Variants in XIRP2 observed in about 807,000 individuals in gnomAD.
XIRP2 encodes the protein xin actin binding repeat containing 2, also known as xin actin-binding repeat-containing protein 2.
In XIRP2, 236 loss-of-function variants were observed where a neutral mutation model predicts 277.0. That is an observed-to-expected ratio of 0.85 (90% CI 0.77 to 0.95). XIRP2 has a LOEUF of 0.95. Ranked by LOEUF, XIRP2 falls within the 40% of genes least tolerant of loss-of-function variation. The pLI, the probability that XIRP2 is intolerant of heterozygous loss-of-function variation, is 0.00. For missense variants in XIRP2, 4,640 were observed against 4,157.5 expected, an observed-to-expected ratio of 1.12 and a Z score of -3.19; for synonymous variants, 1,490 against 1,416.5, an observed-to-expected ratio of 1.05 and a Z score of -1.17.
At chr2:166,911,887 A>G (rs1684713188) in intron 2 of XIRP2, among the ~76,000 whole-genome samples, 1 of 152,182 alleles carries the variant, frequency 6.6e-6, no homozygotes, top group Non-Finnish European at 1.5e-5. Flanking sequence ...TTGGCTGGAT[A>G]TGAAATTCTG....
Position 167,249,903 on chromosome 2 carries a change from T to G in XIRP2, c.8511T>G (p.Thr2837=), listed in dbSNP as rs1233358155. The part of the protein sequence containing the change: ...MIGRKEERLI[T]ERKHEHLKNK... ...GTCGAAAAGAAGAGAGATTAATAAC[T>G]GAAAGAAAACACGAACATCTGAAGA... Residue 2837 remains threonine (T), a synonymous_variant, in exon 9 of 11, where the codon ACT becomes ACG. Coordinates refer to ENST00000409195, the MANE Select transcript of XIRP2 (RefSeq NM_152381.6). 1 of 1,613,322 alleles carries G rather than the reference T, an allele frequency of 6.2e-7. No individual in the cohort carries two copies. Among genetic ancestry groups the G allele is most frequent in the South Asian group, 1.1e-5 (1 of 91,046 alleles).
intron 4 of XIRP2, 75 bp downstream of exon 4, chr2:167,210,970 T>A: frequency 1.3e-6 from 2 of 1,560,334 alleles, no homozygotes; most frequent in Non-Finnish European, 1.7e-6. Context: ...ATATTTGAAA[T>A]GTAAGAATAC....
intron 2 of XIRP2, among the ~76,000 whole-genome samples, chr2:167,041,899 A>G (rs892097526): frequency 3.3e-5 from 5 of 152,188 alleles, no homozygotes; most frequent in African/African-American, 7.2e-5. Flanking sequence ...CAAAGTCAAT[A>G]CAAAAGAAAC....
intron 2 of XIRP2, among the ~76,000 whole-genome samples, chr2:167,037,797 CTA>C (rs1225216618): frequency 6.6e-6 from 1 of 151,678 alleles, no homozygotes; most frequent in African/African-American, 2.4e-5. Flanking sequence ...TATCTTAACT[CTA>C]TGAAAATATA....
Position 166,903,906 on chromosome 2 carries a change from T to C in XIRP2, c.408+16T>C. ...CGGTGGAAAGGTAAGGAGCCATTGA[T>C]TGAGAGTCTATGTTTACATATGACT... is the stretch of plus-strand genomic sequence containing the variant. On this transcript the variant is annotated intron_variant, in intron 2 of 10. Transcript: ENST00000409195. The C allele has an allele frequency of 6.2e-7, 1 of 1,603,862 alleles. No individual in the cohort carries two copies. Among genetic ancestry groups the C allele is most frequent in the African/African-American group, 1.3e-5 (1 of 74,670 alleles).
chr2:166,912,395 C>T (rs12478450), intron 2 of XIRP2, among the ~76,000 whole-genome samples: 31,215 of 152,142 alleles, frequency 0.21, 3,958 homozygotes, highest in Admixed American at 0.28. Context: ...TCTAGTTGAT[C>T]GAATCGGCTA....
chr2:166,911,080 G>C (rs186972924), intron 2 of XIRP2, among the ~76,000 whole-genome samples: 148 of 152,314 alleles, frequency 9.7e-4, no homozygotes, highest in African/African-American at 3.4e-3. Flanking sequence ...TGAGAAAAAT[G>C]TATATTCTGT....
At chr2:166,972,677 T>G (rs563506015) in intron 2 of XIRP2, among the ~76,000 whole-genome samples, 38 of 152,192 alleles carry the variant, frequency 2.5e-4, no homozygotes, top group Non-Finnish European at 4.9e-4. Context: ...AGTTATTTGA[T>G]GACAGACTGC....
At chr2:167,179,809 T>TTG (rs371738151) in intron 3 of XIRP2, among the ~76,000 whole-genome samples, 3 of 151,734 alleles carry the variant, frequency 2.0e-5, no homozygotes, top group Non-Finnish European at 4.4e-5. Context: ...TGGCCTAAAT[T>TTG]TGTGTGTGTG....
In XIRP2 at chr2:167,245,325, C is replaced by G. The variant is rs1300217705; in HGVS notation, c.3933C>G (p.Ser1311Arg). The part of the protein sequence containing the change: ...TEEVIQGDVK[S>R]YRMLFETQPL... ...AAGTAATACAGGGTGATGTAAAAAG[C>G]TACAGAATGCTCTTTGAAACCCAGC... is the stretch of plus-strand genomic sequence containing the variant. Residue 1311 changes from serine to arginine, a missense_variant, in exon 9 of 11, where the codon AGC (serine) becomes AGG (arginine). Physicochemically the swap from Ser to Arg is moderately radical, Grantham distance 110. Coordinates refer to ENST00000409195, the MANE Select transcript of XIRP2 (RefSeq NM_152381.6). 6 of 1,613,406 alleles carry G rather than the reference C, an allele frequency of 3.7e-6. No homozygotes were observed. The highest frequency in any genetic ancestry group is 5.1e-6 in the Non-Finnish European group (6 of 1,179,712).
intron 2 of XIRP2, among the ~76,000 whole-genome samples, chr2:166,912,371 C>G (rs919736006): frequency 6.6e-6 from 1 of 152,342 alleles, no homozygotes; most frequent in East Asian, 1.9e-4. Context: ...TCTTCAATCA[C>G]TGATACCCTT....
At position 167,065,023 on chromosome 2, in the gene XIRP2, T is replaced by C. The variant is rs76762329; in HGVS notation, c.409-70886T>C. 2.6e-3 allele frequency among the ~76,000 whole-genome samples: 399 copies of C among 151,990 alleles called. 1 individual carries two copies. The highest frequency in any genetic ancestry group is 0.01 in the Middle Eastern group (3 of 294). On this transcript the variant is annotated intron_variant, in intron 2 of 10. Coordinates refer to ENST00000409195, the MANE Select transcript of XIRP2 (RefSeq NM_152381.6). ...AATTTGGGGAGTATATACCCAGAAGTAGACTTGCTGAATCATGTGGTAATT... is the reference window on the plus strand; with the variant it reads ...AATTTGGGGAGTATATACCCAGAAGCAGACTTGCTGAATCATGTGGTAATT...
At chr2:167,162,475 T>C (rs1191656596) in intron 3 of XIRP2, among the ~76,000 whole-genome samples, 1 of 152,158 alleles carries the variant, frequency 6.6e-6, no homozygotes, top group Non-Finnish European at 1.5e-5. Flanking sequence ...AGAAGAGAGC[T>C]TGTGCAGGGA....
At chr2:167,032,689 A>G (rs1688398215) in intron 2 of XIRP2, among the ~76,000 whole-genome samples, 1 of 152,170 alleles carries the variant, frequency 6.6e-6, no homozygotes, top group Non-Finnish European at 1.5e-5. Context: ...AAAATATATG[A>G]AAAAAAGCTC....
In XIRP2 at chr2:167,259,468, A is replaced by ATCCT. The variant is rs1333346935; in HGVS notation, c.*1651_*1652insTCCT. 1.7e-6 allele frequency: 2 copies of ATCCT among 1,157,948 alleles called. No homozygotes were observed. Among genetic ancestry groups the ATCCT allele is most frequent in the East Asian group, 5.2e-5 (2 of 38,316 alleles). 71.7% of individuals were successfully genotyped at this position (1,157,948 alleles called of 1,614,324 possible). A position where few individuals can be genotyped will look rare whatever the true frequency, so the allele number is the denominator to read the frequency against. On this transcript the variant is annotated 3_prime_UTR_variant, in exon 11 of 11. Transcript: ENST00000409195. The stretch of plus-strand genomic sequence containing the variant: ...TACCCTTTTGAGGAACTTGATGTAA[A>ATCCT]CATGGTGTTCAGAAATCTCGTGTCT...
At chr2:167,098,431 C>T (rs549998162) in intron 2 of XIRP2, among the ~76,000 whole-genome samples, 7 of 152,176 alleles carry the variant, frequency 4.6e-5, no homozygotes, top group Non-Finnish European at 1.0e-4. Context: ...ACTGGTTATT[C>T]TAGTCAGCAT....
chr2:167,195,857 C>T (rs1693489365), intron 3 of XIRP2, among the ~76,000 whole-genome samples: 1 of 152,162 alleles, frequency 6.6e-6, no homozygotes. Flanking sequence ...CTCTGGGCTG[C>T]AGGAGTAGGT....
intron 2 of XIRP2, among the ~76,000 whole-genome samples, chr2:167,061,228 A>G (rs1288840038): frequency 1.3e-5 from 2 of 152,202 alleles, no homozygotes; most frequent in Non-Finnish European, 2.9e-5. Flanking sequence ...AAACTCATAC[A>G]TTAGCTCTAG....
chr2:167,133,307 T>A (rs1225792133), intron 2 of XIRP2, among the ~76,000 whole-genome samples: 1 of 152,178 alleles, frequency 6.6e-6, no homozygotes, highest in Non-Finnish European at 1.5e-5. Flanking sequence ...TTCAGCCTCA[T>A]CCAAGAAGCT....
Sources: gnomAD v4.1 joint callset for allele counts (sites outside exome capture counted in the v4.1 genomes callset) on GRCh38, gnomAD v4.1.1 for gene constraint, MANE v1.5 for transcripts, NCBI Gene and HGNC (gene_info 2026-07-23, HGNC 2026-07-21) for gene names.